KIAA0825: variants seen among roughly 807,000 people sequenced by gnomAD.
KIAA0825 encodes uncharacterized protein KIAA0825.
A neutral mutation model predicts 147.6 loss-of-function variants in KIAA0825; 119 were observed. The observed-to-expected ratio is 0.81, with a 90% CI of 0.69 to 0.94. The LOEUF is 0.94. Ranked by LOEUF, KIAA0825 falls within the 40% of genes least tolerant of loss-of-function variation. KIAA0825 has a pLI of 0.00. For missense variants in KIAA0825, 1,381 were observed against 1,472.7 expected (o/e 0.94, Z 1.02); for synonymous variants, 470 against 518.1 (o/e 0.91, Z 1.26).
chr5:94,461,486 T>C (rs540634766), intron 12 of KIAA0825, among the ~76,000 whole-genome samples: 3 of 151,938 alleles, frequency 2.0e-5, no homozygotes, highest in Non-Finnish European at 4.4e-5. Flanking sequence ...TTTCTTCCCC[T>C]TTCTGAAAGA....
chr5:94,160,068 G>A (rs1308526335), intron 20 of KIAA0825, among the ~76,000 whole-genome samples: 1 of 152,114 alleles, frequency 6.6e-6, no homozygotes, highest in Non-Finnish European at 1.5e-5. Context: ...ACATTGCACA[G>A]TGCAGACTGG....
intron 3 of KIAA0825, among the ~76,000 whole-genome samples, chr5:94,527,160 A>T (rs961902270): frequency 6.6e-6 from 1 of 152,040 alleles, no homozygotes; most frequent in Non-Finnish European, 1.5e-5. Context: ...TCATGCATGT[A>T]TGGATGTATG....
intron 5 of KIAA0825, among the ~76,000 whole-genome samples, chr5:94,513,784 T>C (rs959137053): frequency 5.3e-5 from 8 of 151,880 alleles, no homozygotes; most frequent in African/African-American, 1.9e-4. Context: ...ATTTTTCTCA[T>C]GATTTTTAAT....
intron 1 of KIAA0825, among the ~76,000 whole-genome samples, chr5:94,591,156 G>C (rs142325216): frequency 7.9e-5 from 12 of 152,234 alleles, no homozygotes; most frequent in African/African-American, 2.6e-4. Context: ...ATAAAACACA[G>C]ACAGATGAAA....
intron 1 of KIAA0825, chr5:94,618,293 G>C (rs1791135739): frequency 6.6e-6 from 1 of 152,256 alleles, no homozygotes; most frequent in Non-Finnish European, 1.5e-5. Flanking sequence ...CCAAGTCGGA[G>C]ACAGATTTTG....
intron 20 of KIAA0825, among the ~76,000 whole-genome samples, chr5:94,319,214 C>T (rs933242508): frequency 2.6e-5 from 4 of 151,856 alleles, no homozygotes; most frequent in African/African-American, 9.7e-5. Flanking sequence ...TCACTTGGCT[C>T]TCAGAACACC....
rs753412276 is a variant in KIAA0825 at position 94,520,884 on chromosome 5, C to T, written c.334G>A (p.Glu112Lys). 2 of 1,606,332 alleles carry T rather than the reference C, an allele frequency of 1.2e-6. No homozygotes were observed. The highest frequency in any genetic ancestry group is 1.7e-6 in the Non-Finnish European group (2 of 1,176,430). The change falls in exon 5 of 21, where the codon GAA becomes AAA. Residue 112 changes from glutamate to lysine, a missense_variant. Coordinates refer to ENST00000682413, the MANE Select transcript of KIAA0825 (RefSeq NM_001145678.3). ...DLLKNEQNQE[E>K]MTLDLLWDLS... ...TCCCAAAGTAAATCCAATGTCATTT[C>T]TTCTTGATTTTGTTCATTCTTCAAC...
chr5:94,576,354 A>C (rs1046402335), intron 2 of KIAA0825, among the ~76,000 whole-genome samples: 2 of 152,138 alleles, frequency 1.3e-5, no homozygotes, highest in African/African-American at 4.8e-5. Flanking sequence ...TTAAGAGGTT[A>C]TTGGGTCATG....
intron 13 of KIAA0825, among the ~76,000 whole-genome samples, chr5:94,450,479 C>A (rs1253254984): frequency 6.6e-6 from 1 of 151,154 alleles, no homozygotes; most frequent in Admixed American, 6.6e-5. Flanking sequence ...AAAATTATTT[C>A]TCACAGTCTG....
In KIAA0825 at chr5:94,463,752, A is replaced by C. The variant is rs921197512; in HGVS notation, c.2063+1117T>G. On this transcript the variant is annotated intron_variant, in intron 11 of 20. Transcript: ENST00000682413. ...GTCTCTATTGTACAGTTAATTCATT[A>C]AATATACTACCCATTTCTACTTATT... Among the ~76,000 whole-genome samples the C allele has an allele frequency of 2.6e-5, 4 of 152,034 alleles. No homozygotes were observed. In the South Asian group the frequency reaches 6.2e-4, roughly 24 times the overall value.
intron 5 of KIAA0825, among the ~76,000 whole-genome samples, chr5:94,487,165 C>A (rs2151057081): frequency 1.3e-5 from 2 of 152,190 alleles, no homozygotes; most frequent in Middle Eastern, 3.4e-3. Context: ...TCTTGTATTC[C>A]AGGAATACAA....
At chr5:94,373,638 TG>T (rs890055178) in intron 20 of KIAA0825, among the ~76,000 whole-genome samples, 11 of 151,994 alleles carry the variant, frequency 7.2e-5, no homozygotes, top group Non-Finnish European at 1.5e-4. Context: ...GAGAATAGCA[TG>T]GGGGAAACCG....
intron 2 of KIAA0825, among the ~76,000 whole-genome samples, chr5:94,565,038 T>C (rs539307306): frequency 1.6e-5 from 2 of 126,608 alleles, no homozygotes; most frequent in African/African-American, 6.6e-5. Flanking sequence ...CTTTCTTTCC[T>C]CTCTCTCTCT....
chr5:94,213,282 G>T (rs919799923), intron 20 of KIAA0825, among the ~76,000 whole-genome samples: 1 of 152,018 alleles, frequency 6.6e-6, no homozygotes, highest in African/African-American at 2.4e-5. Context: ...AAACCTCCAA[G>T]TCCTATTGAT....
chr5:94,155,741 A>G (rs767179191), intron 20 of KIAA0825, among the ~76,000 whole-genome samples: 1 of 152,120 alleles, frequency 6.6e-6, no homozygotes, highest in Non-Finnish European at 1.5e-5. Context: ...AAAAACTGCT[A>G]TTTTTGGCTG....
At chr5:94,370,389 G>A in intron 20 of KIAA0825, among the ~76,000 whole-genome samples, 1 of 152,152 alleles carries the variant, frequency 6.6e-6, no homozygotes, top group East Asian at 1.9e-4. Flanking sequence ...ACTCAGAACT[G>A]TACAAGAACA....
chr5:94,285,332 A>T (rs947471668), intron 20 of KIAA0825, among the ~76,000 whole-genome samples: 16 of 152,204 alleles, frequency 1.1e-4, no homozygotes, highest in Admixed American at 5.9e-4. Context: ...TATTTTTTTT[A>T]AAAACAGCTA....
At position 94,452,384 on chromosome 5, in the gene KIAA0825, A is replaced by G. The variant is rs185592536; in HGVS notation, c.2357+575T>C. Among the ~76,000 whole-genome samples, 12 of 152,296 alleles carry G rather than the reference A, an allele frequency of 7.9e-5. No homozygotes were observed. The East Asian group carries it at 1.7e-3, about 22-fold the overall frequency. On this transcript the variant is annotated intron_variant, in intron 13 of 20. Transcript: ENST00000682413. ...ACAATATCTCCTTTAGCTGTACATG[A>G]TATTTTTATTCTCAGATACCAAGGA...
rs550934791 is a variant in KIAA0825, at chr5:94,588,303, G to A, written c.-152-5720C>T. Among the ~76,000 whole-genome samples the A allele has an allele frequency of 1.0e-3, 156 of 152,038 alleles. 1 individual carries two copies. Among genetic ancestry groups the A allele is most frequent in the African/African-American group, 3.3e-3 (137 of 41,450 alleles). ...TTTGCAATCTACTCATCTGACAAAGGGCTAATATCCAGAATCTACAAAGAA... is the reference window on the plus strand; with the variant it reads ...TTTGCAATCTACTCATCTGACAAAGAGCTAATATCCAGAATCTACAAAGAA... On this transcript the variant is annotated intron_variant, in intron 1 of 20. Coordinates refer to ENST00000682413, the MANE Select transcript of KIAA0825 (RefSeq NM_001145678.3).
Sources: allele counts gnomAD v4.1 joint callset (sites outside exome capture counted in the v4.1 genomes callset), GRCh38; gene constraint gnomAD v4.1.1; transcripts MANE v1.5; gene names NCBI Gene and HGNC (gene_info 2026-07-23, HGNC 2026-07-21).